Variants in LMOD2 observed in about 807,000 individuals in gnomAD.
The protein encoded by LMOD2 is leiomodin-2.
A neutral mutation model predicts 41.7 loss-of-function variants in LMOD2; 27 were observed. That is an observed-to-expected ratio of 0.65 (90% confidence interval 0.48 to 0.89). LMOD2 has a LOEUF of 0.89. LMOD2 is among the 40% of genes least tolerant of loss of function. The pLI is 0.00. For missense variants in LMOD2, 624 were observed against 667.9 expected, an observed-to-expected ratio of 0.93 and a Z score of 0.72; for synonymous variants, 251 against 244.6, an observed-to-expected ratio of 1.03 and a Z score of -0.25.
intron 2 of LMOD2, 185 bp from the exon 3 acceptor site, chr7:123,663,532 CCA>C (rs564513553): frequency 1.3e-5 from 8 of 614,964 alleles, no homozygotes; most frequent in East Asian, 2.8e-5. Flanking sequence ...AAAAATTTTA[CCA>C]CAGAGTTGTG....
chr7:123,660,220 A>C (rs1311837745), intron 1 of LMOD2, among the ~76,000 whole-genome samples: 2 of 152,028 alleles, frequency 1.3e-5, no homozygotes, highest in Admixed American at 6.6e-5. Context: ...GGCTAGAGCC[A>C]CACTCTTTTT....
In LMOD2 at chr7:123,662,503, A is replaced by G. The variant is rs1445970829; in HGVS notation, c.917A>G (p.Gln306Arg). The change falls in exon 2 of 3, where the codon CAG becomes CGG. Residue 306 changes from glutamine to arginine, a missense_variant. Physicochemically the swap from Gln to Arg is conservative, Grantham distance 43. Coordinates refer to ENST00000458573, the MANE Select transcript of LMOD2 (RefSeq NM_207163.3). This position sits in a 1 kb window ranked among gnomAD's most constrained non-coding sequence, Gnocchi z 4.0. ...CTCACGGAGCTGCGTTTCCATAACCAGAGGCACATCATGGGCAGCCAGGTG... is the reference window on the plus strand; with the variant it reads ...CTCACGGAGCTGCGTTTCCATAACCGGAGGCACATCATGGGCAGCCAGGTG... ...TVLTELRFHN[Q>R]RHIMGSQVEM... 1 of 1,613,956 alleles carries G rather than the reference A, an allele frequency of 6.2e-7. No individual in the cohort carries two copies. Among genetic ancestry groups the G allele is most frequent in the South Asian group, 1.1e-5 (1 of 91,072 alleles).
In LMOD2 at chr7:123,662,970, G is replaced by A. The variant is rs1156808430; in HGVS notation, c.1384G>A (p.Val462Ile). 1 of 1,551,384 alleles carries A rather than the reference G, an allele frequency of 6.4e-7. No individual in the cohort carries two copies. Among genetic ancestry groups the A allele is most frequent in the Non-Finnish European group, 8.7e-7 (1 of 1,147,480 alleles). The stretch of plus-strand genomic sequence containing the variant: ...GCTCATTACCAGAAACATTGCAGAA[G>A]TCATCAAACAACAGGAGAGTGCCCA... ...KKLITRNIAE[V>I]IKQQESAQRA... Residue 462 changes from valine (V) to isoleucine (I), a missense_variant, in exon 2 of 3, where the codon GTC (valine) becomes ATC (isoleucine). Val to Ile is a conservative substitution (Grantham distance 29, BLOSUM62 3). Transcript: ENST00000458573. This position sits in a 1 kb window ranked among gnomAD's most constrained non-coding sequence, Gnocchi z 4.0.
Position 123,663,093 on chromosome 7 carries a change from G to C in LMOD2, c.1507G>C (p.Val503Leu). Residue 503 changes from valine to leucine, a missense_variant, in exon 2 of 3, where the codon GTG (valine) becomes CTG (leucine). Physicochemically the swap from Val to Leu is conservative, Grantham distance 32. Transcript: ENST00000458573. ...GGAAATAAAAAATTCTCTGAGGTCAGTGCAAGAGAAGAAAATGGAAGACAG... is the reference window on the plus strand; with the variant it reads ...GGAAATAAAAAATTCTCTGAGGTCACTGCAAGAGAAGAAAATGGAAGACAG... ...LKEIKNSLRS[V>L]QEKKMEDSSR... 6.4e-7 allele frequency: 1 copy of C among 1,561,520 alleles called. No individual in the cohort carries two copies. The highest frequency in any genetic ancestry group is 8.7e-7 in the Non-Finnish European group (1 of 1,152,650).
chr7:123,660,165 G>A (rs1308197958), intron 1 of LMOD2, among the ~76,000 whole-genome samples: 1 of 152,102 alleles, frequency 6.6e-6, no homozygotes, highest in Non-Finnish European at 1.5e-5. Flanking sequence ...TTCACTGCTG[G>A]ACAGGGAAGG....
rs752988546 is a variant in LMOD2, at chr7:123,656,063, G to A, written c.100G>A (p.Glu34Lys). ...SLSAEELKEL[E>K]RELEDIEPDR... ...GTCAGCCGAGGAGCTGAAGGAGCTAGAGAGAGAGTTGGAAGACATTGAACC... is the reference window on the plus strand; with the variant it reads ...GTCAGCCGAGGAGCTGAAGGAGCTAAAGAGAGAGTTGGAAGACATTGAACC... The change falls in exon 1 of 3, where the codon GAG (glutamate) becomes AAG (lysine). Residue 34 changes from glutamate to lysine, a missense_variant. By Grantham distance (56) the Glu-to-Lys change is moderately conservative. Transcript: ENST00000458573. 4 of 1,611,846 alleles carry A rather than the reference G, an allele frequency of 2.5e-6. No individual in the cohort carries two copies. Among genetic ancestry groups the A allele is most frequent in the African/African-American group, 1.3e-5 (1 of 74,888 alleles).
At position 123,662,603 on chromosome 7, in the gene LMOD2, A is replaced by G; in HGVS notation, c.1017A>G (p.Gly339=). 6.2e-7 allele frequency: 1 copy of G among 1,613,992 alleles called. No individual in the cohort carries two copies. The highest frequency in any genetic ancestry group is 1.1e-5 in the South Asian group (1 of 91,080). The change falls in exon 2 of 3, where the codon GGA becomes GGG. Residue 339 remains glycine (G), a synonymous_variant. Coordinates refer to ENST00000458573, the MANE Select transcript of LMOD2 (RefSeq NM_207163.3). The surrounding 1 kb of genome is among the most constrained non-coding windows in gnomAD (Gnocchi z 4.0). The part of the protein sequence containing the change: ...LRLGYHFELP[G]PRMSMTSILT... ...TGGGATACCATTTTGAACTCCCAGGACCAAGAATGAGCATGACGAGCATTT... is the reference window on the plus strand; with the variant it reads ...TGGGATACCATTTTGAACTCCCAGGGCCAAGAATGAGCATGACGAGCATTT...
At position 123,663,032 on chromosome 7, in the gene LMOD2, GA is replaced by G. The variant is rs867634647; in HGVS notation, c.1451del (p.Lys484ArgfsTer10). On this transcript the variant is annotated frameshift_variant, in exon 2 of 3. Transcript: ENST00000458573. LOFTEE classifies it high-confidence loss of function. ...LQNGQKKKKG[K>X]KVKKQPNSIL... Reference sequence around the variant, plus strand: ...AAAATGGACAAAAAAAGAAAAAAGGGAAAAAGGTCAAGAAACAGCCAAACAG... The same window carrying G: ...AAAATGGACAAAAAAAGAAAAAAGGGAAAAGGTCAAGAAACAGCCAAACAG... 1.3e-6 allele frequency: 2 copies of G among 1,552,618 alleles called. No homozygotes were observed. Among genetic ancestry groups the G allele is most frequent in the Non-Finnish European group, 8.7e-7 (1 of 1,148,122 alleles).
chr7:123,663,676 C>T, intron 2 of LMOD2, 43 bp from the exon 3 acceptor site: 1 of 1,533,834 alleles, frequency 6.5e-7, no homozygotes, highest in Non-Finnish European at 8.9e-7. Context: ...TTTCACTTAT[C>T]ATGTGTGTTG....
At position 123,662,986 on chromosome 7, in the gene LMOD2, A is replaced by C; in HGVS notation, c.1400A>C (p.Glu467Ala). 6.4e-7 allele frequency: 1 copy of C among 1,553,236 alleles called. No individual in the cohort carries two copies. The highest frequency in any genetic ancestry group is 8.7e-7 in the Non-Finnish European group (1 of 1,147,834). ...RNIAEVIKQQESAQRALQNGQ... is the reference protein window; with the variant it reads ...RNIAEVIKQQASAQRALQNGQ... The stretch of plus-strand genomic sequence containing the variant: ...ATTGCAGAAGTCATCAAACAACAGG[A>C]GAGTGCCCAACGGGCATTACAAAAT... Residue 467 changes from glutamate to alanine, a missense_variant, in exon 2 of 3, where the codon GAG becomes GCG. Coordinates refer to ENST00000458573, the MANE Select transcript of LMOD2 (RefSeq NM_207163.3). The surrounding 1 kb of genome is among the most constrained non-coding windows in gnomAD (Gnocchi z 4.0).
rs1460734117 is a variant in LMOD2 at position 123,662,024 on chromosome 7, G to T, written c.438G>T (p.Gly146=). The change falls in exon 2 of 3, where the codon GGG becomes GGT. Residue 146 remains glycine (G), a synonymous_variant. Coordinates refer to ENST00000458573, the MANE Select transcript of LMOD2 (RefSeq NM_207163.3). The surrounding 1 kb of genome is among the most constrained non-coding windows in gnomAD (Gnocchi z 4.0). The part of the protein sequence containing the change: ...EEERTIETAK[G]INGTVNYDSV... ...AAAGAACAATTGAAACTGCAAAAGG[G>T]ATTAATGGAACTGTAAATTATGATA... The T allele has an allele frequency of 6.4e-7, 1 of 1,574,734 alleles. No individual in the cohort carries two copies. The highest frequency in any genetic ancestry group is 8.6e-7 in the Non-Finnish European group (1 of 1,159,240).
chr7:123,661,161 G>C (rs1802869317), intron 1 of LMOD2, among the ~76,000 whole-genome samples: 3 of 152,322 alleles, frequency 2.0e-5, no homozygotes, highest in Non-Finnish European at 4.4e-5. Context: ...CCCTTGCCCA[G>C]ATAAGGGACA....
chr7:123,661,121 G>A (rs1204473591), intron 1 of LMOD2, among the ~76,000 whole-genome samples: 2 of 152,182 alleles, frequency 1.3e-5, no homozygotes, highest in African/African-American at 4.8e-5. Context: ...ACCTCCTGCT[G>A]TCCTGAGCAG....
chr7:123,655,897 G>T lies in LMOD2; in HGVS notation c.-67G>T. 2.0e-6 allele frequency: 3 copies of T among 1,473,838 alleles called. No homozygotes were observed. Among genetic ancestry groups the T allele is most frequent in the Non-Finnish European group, 2.7e-6 (3 of 1,097,706 alleles). 91.3% of individuals were successfully genotyped at this position (1,473,838 alleles called of 1,614,324 possible). A position where few individuals can be genotyped will look rare whatever the true frequency, so the allele number is the denominator to read the frequency against. ...TGACCAGCCTGCCACTTGCCTCCCTGCCTGCTTCTGGCCGCCTTGAATGCC... is the reference window on the plus strand; with the variant it reads ...TGACCAGCCTGCCACTTGCCTCCCTTCCTGCTTCTGGCCGCCTTGAATGCC... On this transcript the variant is annotated 5_prime_UTR_variant, in exon 1 of 3. Coordinates refer to ENST00000458573, the MANE Select transcript of LMOD2 (RefSeq NM_207163.3).
Position 123,663,343 on chromosome 7 carries a change from T to G in LMOD2, c.1617+140T>G. 3.7e-6 allele frequency: 4 copies of G among 1,087,908 alleles called. No individual in the cohort carries two copies. In the South Asian group the frequency reaches 5.2e-5, roughly 14 times the overall value. The allele number at this position is 1,087,908 out of a possible 1,614,324, so 67.4% of individuals were successfully genotyped here. ...AGTATGCGAGAGCAAACACACCAAG[T>G]TTGAAACATTAGGAGCAGGCACACA... On this transcript the variant is annotated intron_variant, in intron 2 of 2. Transcript: ENST00000458573.
At chr7:123,661,665 A>G (rs1802875325) in intron 1 of LMOD2, among the ~76,000 whole-genome samples, 195 bp from the exon 2 acceptor site, 1 of 152,234 alleles carries the variant, frequency 6.6e-6, no homozygotes, top group African/African-American at 2.4e-5. Flanking sequence ...ATGTTTGTAG[A>G]AAAAGCTATT....
chr7:123,659,504 C>G (rs1253516500), intron 1 of LMOD2, among the ~76,000 whole-genome samples: 10 of 152,126 alleles, frequency 6.6e-5, no homozygotes, highest in Admixed American at 6.5e-4. Context: ...GACTAAAATC[C>G]TGGGAAACCC....
rs1802930179 is a variant in LMOD2 at position 123,663,820 on chromosome 7, A to G, written c.*75A>G. 5.7e-6 allele frequency: 7 copies of G among 1,232,504 alleles called. No individual in the cohort carries two copies. The highest frequency in any genetic ancestry group is 8.0e-6 in the Non-Finnish European group (7 of 869,832). The allele number at this position is 1,232,504 out of a possible 1,614,324, so 76.3% of individuals were successfully genotyped here. A position where few individuals can be genotyped will look rare whatever the true frequency, so the allele number is the denominator to read the frequency against. On this transcript the variant is annotated 3_prime_UTR_variant, in exon 3 of 3. Transcript: ENST00000458573. ...AAATGCATTGTGAGATGTTTCTAAA[A>G]TACCTTCTTCAATTCAAAATGATCC...
In LMOD2 at chr7:123,663,189, A is replaced by T; in HGVS notation, c.1603A>T (p.Lys535Ter). ...LMEAIRGSSIKQLKRVEVPEA... is the reference protein window; with the variant it reads ...LMEAIRGSSI ...GGAAGCAATTCGGGGAAGCAGCATAAAACAGCTAAAGCGGGTAAGTAACCA... is the reference window on the plus strand; with the variant it reads ...GGAAGCAATTCGGGGAAGCAGCATATAACAGCTAAAGCGGGTAAGTAACCA... Residue 535 changes from lysine to a stop codon, truncating the protein, a stop_gained, in exon 2 of 3, where the codon AAA becomes TAA. Coordinates refer to ENST00000458573, the MANE Select transcript of LMOD2 (RefSeq NM_207163.3). LOFTEE classifies it high-confidence loss of function. 6.4e-7 allele frequency: 1 copy of T among 1,567,062 alleles called. No homozygotes were observed. The highest frequency in any genetic ancestry group is 8.7e-7 in the Non-Finnish European group (1 of 1,155,954).
Sources: gnomAD v4.1 joint callset for allele counts (sites outside exome capture counted in the v4.1 genomes callset) on GRCh38, gnomAD v4.1.1 for gene constraint, Gnocchi (gnomAD v3.1) non-coding constraint, MANE v1.5 for transcripts, NCBI Gene and HGNC (gene_info 2026-07-23, HGNC 2026-07-21) for gene names.